The following SMYD3 variants were observed in gnomAD, a reference collection of about 807,000 sequenced individuals.
SMYD3 encodes histone-lysine N-methyltransferase SMYD3.
SMYD3 carries 36 observed loss-of-function variants against 57.7 expected under a neutral mutation model. The ratio of observed to expected loss-of-function variants is 0.62; its 90% confidence interval spans 0.48 to 0.82. SMYD3 has a LOEUF of 0.82. SMYD3 is among the 40% of genes least tolerant of loss of function. The pLI is 0.00. For synonymous variants in SMYD3, 211 were observed against 195.0 expected (o/e 1.08, Z -0.68); for missense variants, 515 against 538.8 (o/e 0.96, Z 0.44).
rs1261498523 is a variant in SMYD3, at chr1:245,814,457, AAAAT to A, written c.1076+44035_1076+44038del. Reference sequence around the variant, plus strand: ...AATAAAAACGAAAAAATAAACAATAAAAATAAATAAATAAAATAAAAAGAATGCT... The same window carrying A: ...AATAAAAACGAAAAAATAAACAATAAAAATAAATAAAATAAAAAGAATGCT... On this transcript the variant is annotated intron_variant, in intron 10 of 11. Transcript: ENST00000490107. 4.6e-6 allele frequency: 4 copies of A among 862,380 alleles called. No homozygotes were observed. The African/African-American group carries it at 5.5e-5, about 12-fold the overall frequency. 53.4% of individuals were successfully genotyped at this position (862,380 alleles called of 1,614,324 possible).
intron 5 of SMYD3, among the ~76,000 whole-genome samples, chr1:245,943,654 C>T (rs977078791): frequency 1.3e-5 from 2 of 152,146 alleles, no homozygotes; most frequent in Admixed American, 1.3e-4. Flanking sequence ...CATCCTGACA[C>T]CAAAACCTGG....
intron 10 of SMYD3, among the ~76,000 whole-genome samples, chr1:245,806,426 G>A (rs1423915610): frequency 2.0e-5 from 3 of 152,160 alleles, no homozygotes; most frequent in Admixed American, 1.3e-4. Context: ...GGAAAACTGA[G>A]GCTCAGGGAA....
At chr1:246,188,532 G>C (rs2062681445) in intron 5 of SMYD3, among the ~76,000 whole-genome samples, 1 of 151,884 alleles carries the variant, frequency 6.6e-6, no homozygotes, top group East Asian at 1.9e-4. Context: ...AAAGATTTTT[G>C]TCATCCCAAA....
chr1:246,093,457 T>A (rs2060856790), intron 5 of SMYD3, among the ~76,000 whole-genome samples: 1 of 152,174 alleles, frequency 6.6e-6, no homozygotes, highest in Non-Finnish European at 1.5e-5. Context: ...TAAAGTCCTG[T>A]CATTTGCAGC....
chr1:246,469,141 C>T, intron 1 of SMYD3, among the ~76,000 whole-genome samples: 1 of 152,166 alleles, frequency 6.6e-6, no homozygotes, highest in Non-Finnish European at 1.5e-5. Context: ...CATATGTGGC[C>T]AGTCTCCTTG....
chr1:246,191,271 T>G (rs1294533025), intron 5 of SMYD3, among the ~76,000 whole-genome samples: 1 of 152,188 alleles, frequency 6.6e-6, no homozygotes, highest in Non-Finnish European at 1.5e-5. Context: ...TTTGGATCAT[T>G]CCTCGTTTGG....
chr1:246,273,575 CT>C (rs75025399), intron 5 of SMYD3, among the ~76,000 whole-genome samples: 119 of 84,392 alleles, frequency 1.4e-3, no homozygotes, highest in South Asian at 6.2e-3. Context: ...TTTCACTAAT[CT>C]TTTTTTTTTT....
At chr1:246,178,783 C>T (rs2062478974) in intron 5 of SMYD3, 1 of 151,906 alleles carries the variant, frequency 6.6e-6, no homozygotes, top group East Asian at 1.9e-4. Flanking sequence ...TAGCCATGTT[C>T]TACGCTAGCC....
rs578203603 is a variant in SMYD3, at chr1:246,346,306, A to G, written c.228+8725T>C. On this transcript the variant is annotated intron_variant, in intron 2 of 11. Coordinates refer to ENST00000490107, the MANE Select transcript of SMYD3 (RefSeq NM_001167740.2). ...TCAAAAAAAACAAACAAACTAAAAA[A>G]GAACTACAGAACAGTTCCTCTCCTC... Among the ~76,000 whole-genome samples, 7 of 152,226 alleles carry G rather than the reference A, an allele frequency of 4.6e-5. No homozygotes were observed. In the South Asian group the frequency reaches 1.5e-3, roughly 32 times the overall value.
At chr1:246,234,495 A>G (rs1312183428) in intron 5 of SMYD3, among the ~76,000 whole-genome samples, 2 of 152,092 alleles carry the variant, frequency 1.3e-5, no homozygotes, top group African/African-American at 4.8e-5. Flanking sequence ...CTGTACAGAG[A>G]AGCACTCCTT....
At chr1:246,463,472 T>G (rs1285036620) in intron 1 of SMYD3, among the ~76,000 whole-genome samples, 1 of 151,986 alleles carries the variant, frequency 6.6e-6, no homozygotes, top group Non-Finnish European at 1.5e-5. Flanking sequence ...ACATGTGGAA[T>G]TTCCAGCTCC....
chr1:246,099,202 T>G (rs1392526712), intron 5 of SMYD3, among the ~76,000 whole-genome samples: 2 of 152,232 alleles, frequency 1.3e-5, no homozygotes, highest in Non-Finnish European at 2.9e-5. Flanking sequence ...TGATACGTAT[T>G]TTGAAACAAA....
intron 5 of SMYD3, among the ~76,000 whole-genome samples, chr1:246,038,435 T>A (rs928027896): frequency 2.0e-5 from 3 of 151,792 alleles, no homozygotes; most frequent in Admixed American, 6.6e-5. Flanking sequence ...AACGAACAAA[T>A]GAAAACTTTC....
chr1:246,393,983 G>T (rs1271334346), intron 1 of SMYD3, among the ~76,000 whole-genome samples: 1 of 152,174 alleles, frequency 6.6e-6, no homozygotes, highest in Non-Finnish European at 1.5e-5. Flanking sequence ...TTTTCCACAT[G>T]AATTCCATCT....
chr1:246,457,430 G>A (rs2067714846), intron 1 of SMYD3, among the ~76,000 whole-genome samples: 1 of 151,484 alleles, frequency 6.6e-6, no homozygotes, highest in Non-Finnish European at 1.5e-5. Flanking sequence ...CTAATCGGGA[G>A]GCTGAGGCAG....
intron 1 of SMYD3, among the ~76,000 whole-genome samples, chr1:246,486,414 G>C (rs1332745750): frequency 6.6e-6 from 1 of 152,026 alleles, no homozygotes; most frequent in African/African-American, 2.4e-5. Flanking sequence ...TGACCTTTTA[G>C]GCCAAAAGTG....
intron 10 of SMYD3, among the ~76,000 whole-genome samples, chr1:245,829,493 C>CA (rs140933454): frequency 7.2e-4 from 110 of 152,144 alleles, no homozygotes; most frequent in African/African-American, 2.5e-3. Context: ...CAAGTGGTAG[C>CA]AAAGATATGG....
intron 5 of SMYD3, among the ~76,000 whole-genome samples, chr1:246,094,215 C>T (rs189695086): frequency 6.6e-6 from 1 of 152,140 alleles, no homozygotes; most frequent in Admixed American, 6.5e-5. Flanking sequence ...ACCATGAGGG[C>T]TGGTGATAAT....
At chr1:245,818,110 T>C (rs2048954370) in intron 10 of SMYD3, among the ~76,000 whole-genome samples, 1 of 151,756 alleles carries the variant, frequency 6.6e-6, no homozygotes, top group South Asian at 2.1e-4. Context: ...TTCACCAAAG[T>C]TGAAATGAAG....
Sources: gnomAD v4.1 joint callset for allele counts (sites outside exome capture counted in the v4.1 genomes callset) on GRCh38, gnomAD v4.1.1 for gene constraint, MANE v1.5 for transcripts, NCBI Gene and HGNC (gene_info 2026-07-23, HGNC 2026-07-21) for gene names.